The following ADAMTS6 variants were observed in gnomAD, a reference collection of about 807,000 sequenced individuals.
ADAMTS6 encodes A disintegrin and metalloproteinase with thrombospondin motifs 6.
ADAMTS6 carries 23 observed loss-of-function variants against 144.3 expected under a neutral mutation model. That is an observed-to-expected ratio of 0.16 (90% CI 0.11 to 0.23). The LOEUF (loss-of-function observed/expected upper bound fraction) is 0.23. Among genes scored for constraint, ADAMTS6 ranks in the 10% least tolerant of loss-of-function variants. The pLI, the probability that ADAMTS6 is intolerant of heterozygous loss-of-function variation, is 1.00. For synonymous variants in ADAMTS6, 444 were observed against 457.5 expected, an observed-to-expected ratio of 0.97 and a Z score of 0.38; for missense variants, 999 against 1,379.6, an observed-to-expected ratio of 0.72 and a Z score of 4.37.
chr5:65,236,568 T>G (rs1580145271), intron 15 of ADAMTS6, among the ~76,000 whole-genome samples: 1 of 152,202 alleles, frequency 6.6e-6, no homozygotes, highest in East Asian at 1.9e-4. Context: ...ATTACAGGCA[T>G]GAGCCACCAC....
chr5:65,397,649 A>C (rs1753463428), intron 7 of ADAMTS6, among the ~76,000 whole-genome samples: 1 of 151,416 alleles, frequency 6.6e-6, no homozygotes, highest in Admixed American at 6.6e-5. Flanking sequence ...GGCCCAGGAG[A>C]CCAGATTGCT....
intron 7 of ADAMTS6, among the ~76,000 whole-genome samples, chr5:65,436,679 A>G (rs1237168734): frequency 6.8e-6 from 1 of 146,188 alleles, no homozygotes; most frequent in African/African-American, 2.5e-5. Flanking sequence ...TACTAAAAAT[A>G]TTTAAAAAAA....
intron 22 of ADAMTS6, among the ~76,000 whole-genome samples, chr5:65,180,886 A>C (rs1754307145): frequency 2.0e-5 from 3 of 152,210 alleles, no homozygotes; most frequent in African/African-American, 7.2e-5. Context: ...GGCACAAAGC[A>C]AATAGTGTTG....
chr5:65,164,323 C>G (rs559230569), intron 24 of ADAMTS6, among the ~76,000 whole-genome samples: 1 of 152,086 alleles, frequency 6.6e-6, no homozygotes, highest in African/African-American at 2.4e-5. Flanking sequence ...CTTTTCAGAC[C>G]GGCTTAAAAA....
At chr5:65,404,480 C>A (rs933084511) in intron 7 of ADAMTS6, among the ~76,000 whole-genome samples, 3 of 152,064 alleles carry the variant, frequency 2.0e-5, no homozygotes, top group South Asian at 2.1e-4. Context: ...TGAACTCATC[C>A]TTTTTTATGG....
intron 2 of ADAMTS6, among the ~76,000 whole-genome samples, chr5:65,472,723 A>G (rs1310410385): frequency 6.6e-6 from 1 of 152,180 alleles, no homozygotes; most frequent in Non-Finnish European, 1.5e-5. Context: ...ATAAAACCAT[A>G]ACCAAATGTA....
Position 65,300,231 on chromosome 5 carries a change from A to G in ADAMTS6, c.1224-100T>C, listed in dbSNP as rs1743223881. 2.7e-6 allele frequency: 3 copies of G among 1,114,756 alleles called. No homozygotes were observed. In the African/African-American group the frequency reaches 4.7e-5, roughly 18 times the overall value. The allele number at this position is 1,114,756 out of a possible 1,614,324, so 69.1% of individuals were successfully genotyped here. ...GGCCATTTATTAGCCTTATCAACAT[A>G]TGCCTTCCATCAGGATAGGCCAGAT... is the stretch of plus-strand genomic sequence containing the variant. On this transcript the variant is annotated intron_variant, in intron 9 of 24. Coordinates refer to ENST00000381055, the MANE Select transcript of ADAMTS6 (RefSeq NM_197941.4).
At chr5:65,233,316 T>C (rs1264813693) in intron 15 of ADAMTS6, among the ~76,000 whole-genome samples, 1 of 151,898 alleles carries the variant, frequency 6.6e-6, no homozygotes, top group Non-Finnish European at 1.5e-5. Flanking sequence ...CTATTCAACA[T>C]AGTACTGAAG....
intron 10 of ADAMTS6, 31 bp from the exon 11 acceptor site, chr5:65,291,501 G>A (rs764444888): frequency 3.0e-5 from 47 of 1,570,768 alleles, no homozygotes; most frequent in Non-Finnish European, 4.1e-5. Context: ...AAGGAAATTA[G>A]GTATTCTATG....
chr5:65,225,045 G>C lies in ADAMTS6; in HGVS notation c.2070C>G (p.His690Gln). Reference sequence around the variant, plus strand: ...ATCCCAAAATATTATCACAGCCTACGTGCTGAAAACAGAGAGGAATATTCA... The same window carrying C: ...ATCCCAAAATATTATCACAGCCTACCTGCTGAAAACAGAGAGGAATATTCA... The part of the protein sequence containing the change: ...LDICINGECK[H>Q]VGCDNILGSD... The change falls in exon 17 of 25, where the codon CAC (histidine) becomes CAG (glutamine). Residue 690 changes from histidine to glutamine, a missense_variant and splice_region_variant. By Grantham distance (24) the His-to-Gln change is conservative. Transcript: ENST00000381055. 1.2e-6 allele frequency: 2 copies of C among 1,613,210 alleles called. No individual in the cohort carries two copies. Among genetic ancestry groups the C allele is most frequent in the Non-Finnish European group, 1.7e-6 (2 of 1,179,680 alleles).
At chr5:65,375,040 G>C (rs1288327213) in intron 7 of ADAMTS6, among the ~76,000 whole-genome samples, 8 of 152,260 alleles carry the variant, frequency 5.3e-5, no homozygotes, top group African/African-American at 1.9e-4. Flanking sequence ...ATGGTGCTGG[G>C]AAAACTGGCT....
At chr5:65,277,857 G>T (rs1043994533) in intron 11 of ADAMTS6, among the ~76,000 whole-genome samples, 1 of 151,988 alleles carries the variant, frequency 6.6e-6, no homozygotes, top group Non-Finnish European at 1.5e-5. Context: ...TTTCAATAAC[G>T]TTTGGGGTAC....
At chr5:65,293,055 G>A (rs958633464) in intron 10 of ADAMTS6, among the ~76,000 whole-genome samples, 1 of 151,764 alleles carries the variant, frequency 6.6e-6, no homozygotes, top group African/African-American at 2.4e-5. Context: ...GCAAACTTTA[G>A]GCAAATGTAA....
intron 1 of ADAMTS6, among the ~76,000 whole-genome samples, chr5:65,479,290 T>C (rs976485820): frequency 6.6e-6 from 1 of 152,226 alleles, no homozygotes; most frequent in Non-Finnish European, 1.5e-5. Context: ...TAAAGGTTTC[T>C]AGATCATTTA....
chr5:65,460,894 T>G (rs969596750), intron 3 of ADAMTS6, among the ~76,000 whole-genome samples: 2 of 152,286 alleles, frequency 1.3e-5, no homozygotes, highest in Admixed American at 6.5e-5. Flanking sequence ...ATGTCTGATG[T>G]AGACACAGAC....
chr5:65,209,327 A>T (rs1170487148), intron 20 of ADAMTS6, among the ~76,000 whole-genome samples: 1 of 152,212 alleles, frequency 6.6e-6, no homozygotes, highest in African/African-American at 2.4e-5. Flanking sequence ...ATGTTTGGGT[A>T]AGGAATACAG....
In ADAMTS6 at chr5:65,256,951, G is replaced by T. The variant is rs188653565; in HGVS notation, c.1830+3649C>A. Among the ~76,000 whole-genome samples the T allele has an allele frequency of 5.5e-5, 8 of 145,698 alleles. No homozygotes were observed. In the Middle Eastern group the frequency reaches 0.011, roughly 209 times the overall value. On this transcript the variant is annotated intron_variant, in intron 14 of 24. Coordinates refer to ENST00000381055, the MANE Select transcript of ADAMTS6 (RefSeq NM_197941.4). Reference sequence around the variant, plus strand: ...CACCCCTATCTGGTTTAATAAATAAGGGTCACTTTTTCTCTCTCTCTCTCT... The same window carrying T: ...CACCCCTATCTGGTTTAATAAATAATGGTCACTTTTTCTCTCTCTCTCTCT...
Position 65,160,250 on chromosome 5 carries a change from TCCTCTTCCA to T in ADAMTS6, c.3245-8314_3245-8306del, listed in dbSNP as rs543173513. On this transcript the variant is annotated intron_variant, in intron 24 of 24. Coordinates refer to ENST00000381055, the MANE Select transcript of ADAMTS6 (RefSeq NM_197941.4). ...TCTGACTGTGCTGGAGGAAAGGGGA[TCCTCTTCCA>T]CCTCTTCCACTCTCCTGCATTAACC... 4.6e-5 allele frequency among the ~76,000 whole-genome samples: 7 copies of T among 152,056 alleles called. No individual in the cohort carries two copies. The South Asian group carries it at 1.5e-3, about 32-fold the overall frequency.
intron 22 of ADAMTS6, among the ~76,000 whole-genome samples, chr5:65,187,158 A>G (rs780661752): frequency 5.9e-5 from 9 of 152,158 alleles, no homozygotes; most frequent in Non-Finnish European, 8.8e-5. Context: ...ATAGCAAGGT[A>G]CTCATTCTTA....
Sources: allele counts gnomAD v4.1 joint callset (sites outside exome capture counted in the v4.1 genomes callset), GRCh38; gene constraint gnomAD v4.1.1; transcripts MANE v1.5; gene names NCBI Gene and HGNC (gene_info 2026-07-23, HGNC 2026-07-21).